Variants in TSHZ2 observed in about 807,000 individuals in gnomAD.
TSHZ2 encodes teashirt homolog 2.
TSHZ2 carries 21 observed loss-of-function variants against 74.4 expected under a neutral mutation model. That is an observed-to-expected ratio of 0.28 (90% CI 0.20 to 0.41). The LOEUF is 0.41. TSHZ2 is among the 10% of genes least tolerant of loss of function. TSHZ2 has a pLI of 1.00. For missense variants in TSHZ2, 1,244 were observed against 1,293.5 expected, an observed-to-expected ratio of 0.96 and a Z score of 0.59; for synonymous variants, 540 against 515.3, an observed-to-expected ratio of 1.05 and a Z score of -0.65.
chr20:53,351,887 T>G (rs2145587260), intron 2 of TSHZ2, among the ~76,000 whole-genome samples: 1 of 152,352 alleles, frequency 6.6e-6, no homozygotes, highest in East Asian at 1.9e-4. Flanking sequence ...TTTGAAAAGT[T>G]TCCTCATACC....
At chr20:53,171,153 A>G (rs1988191855) in intron 1 of TSHZ2, among the ~76,000 whole-genome samples, 1 of 152,232 alleles carries the variant, frequency 6.6e-6, no homozygotes, top group African/African-American at 2.4e-5. Flanking sequence ...CCTCGATCCG[A>G]AAGCCTTAAA....
At chr20:53,103,063 G>A (rs914763051) in intron 1 of TSHZ2, among the ~76,000 whole-genome samples, 3 of 152,130 alleles carry the variant, frequency 2.0e-5, no homozygotes, top group Non-Finnish European at 2.9e-5. Flanking sequence ...ATGAGCGCAC[G>A]TGTACTGGGT....
intron 1 of TSHZ2, among the ~76,000 whole-genome samples, chr20:53,023,035 G>T (rs889503632): frequency 6.6e-6 from 1 of 152,040 alleles, no homozygotes; most frequent in African/African-American, 2.4e-5. Context: ...ACCCAGATCT[G>T]CTCCTGACTC....
chr20:53,101,653 T>C (rs1157999725), intron 1 of TSHZ2, among the ~76,000 whole-genome samples: 2 of 152,258 alleles, frequency 1.3e-5, no homozygotes, highest in African/African-American at 2.4e-5. Context: ...TTTTTTATTA[T>C]ATTCTATTGA....
At chr20:53,056,444 G>A (rs1467428) in intron 1 of TSHZ2, among the ~76,000 whole-genome samples, 92,618 of 152,066 alleles carry the variant, frequency 0.61, 28,570 homozygotes, top group East Asian at 0.83. Flanking sequence ...GCCCAATACC[G>A]TTGTCGTTAT....
intron 2 of TSHZ2, among the ~76,000 whole-genome samples, chr20:53,407,642 A>G (rs887700359): frequency 2.0e-5 from 3 of 152,198 alleles, no homozygotes; most frequent in Admixed American, 2.0e-4. Flanking sequence ...ATGAGAAAGT[A>G]AGGGAATTCT....
chr20:53,295,528 A>G (rs2145468774), intron 2 of TSHZ2, among the ~76,000 whole-genome samples: 1 of 152,312 alleles, frequency 6.6e-6, no homozygotes, highest in South Asian at 2.1e-4. Flanking sequence ...TTGTATTCAC[A>G]TGATATTTGT....
chr20:53,033,589 A>G (rs536515280), intron 1 of TSHZ2, among the ~76,000 whole-genome samples: 2 of 150,866 alleles, frequency 1.3e-5, no homozygotes, highest in African/African-American at 4.9e-5. Flanking sequence ...AAGGTGCTCA[A>G]TAATTGCTGT....
At chr20:53,067,716 G>C (rs905027386) in intron 1 of TSHZ2, among the ~76,000 whole-genome samples, 1 of 152,106 alleles carries the variant, frequency 6.6e-6, no homozygotes, top group African/African-American at 2.4e-5. Flanking sequence ...TGATAGATAC[G>C]GTCACTTTCT....
intron 2 of TSHZ2, among the ~76,000 whole-genome samples, chr20:53,385,972 G>A (rs538185235): frequency 1.3e-5 from 2 of 152,172 alleles, no homozygotes; most frequent in African/African-American, 4.8e-5. Context: ...GAGGGTGTTA[G>A]ACCCATAGTC....
intron 2 of TSHZ2, among the ~76,000 whole-genome samples, chr20:53,485,782 G>C (rs948422976): frequency 3.3e-5 from 5 of 151,968 alleles, no homozygotes; most frequent in African/African-American, 1.2e-4. Context: ...TTTAAGCCTA[G>C]TATGACCATA....
rs1985309207 is a variant in TSHZ2 at position 53,074,572 on chromosome 20, C to A, written c.40+101239C>A. On this transcript the variant is annotated intron_variant, in intron 1 of 2. Transcript: ENST00000371497. This position sits in a 1 kb window ranked among gnomAD's most constrained non-coding sequence, Gnocchi z 5.9. ...AGACTAAACAGCTGGACAAAACTTGCAAAACAATGAAGAAAGGAAAGAAAA... is the reference window on the plus strand; with the variant it reads ...AGACTAAACAGCTGGACAAAACTTGAAAAACAATGAAGAAAGGAAAGAAAA... 1.3e-5 allele frequency among the ~76,000 whole-genome samples: 2 copies of A among 151,964 alleles called. No homozygotes were observed. The highest frequency in any genetic ancestry group is 1.5e-5 in the Non-Finnish European group (1 of 67,978).
At chr20:53,311,680 C>A (rs951517351) in intron 2 of TSHZ2, among the ~76,000 whole-genome samples, 16 of 152,338 alleles carry the variant, frequency 1.1e-4, no homozygotes, top group African/African-American at 3.6e-4. Context: ...TCCAAGATGG[C>A]ATTTTCCTCT....
intron 1 of TSHZ2, among the ~76,000 whole-genome samples, chr20:53,108,819 A>T (rs964946068): frequency 5.3e-5 from 8 of 152,210 alleles, no homozygotes; most frequent in African/African-American, 1.9e-4. Flanking sequence ...TGATTTATTT[A>T]AGAAACAAAA....
chr20:53,241,723 C>A (rs1004263969), intron 1 of TSHZ2, among the ~76,000 whole-genome samples: 19 of 152,050 alleles, frequency 1.2e-4, no homozygotes, highest in African/African-American at 1.7e-4. Flanking sequence ...TTCCAGTTAT[C>A]TCACTTAATT....
chr20:53,083,689 C>A (rs948125224), intron 1 of TSHZ2, among the ~76,000 whole-genome samples: 2 of 152,180 alleles, frequency 1.3e-5, no homozygotes, highest in Non-Finnish European at 2.9e-5. Context: ...TCAGTTTCCT[C>A]ATCTATAAAT....
chr20:53,208,811 G>A (rs1451547911), intron 1 of TSHZ2: 1 of 152,206 alleles, frequency 6.6e-6, no homozygotes, highest in Non-Finnish European at 1.5e-5. Context: ...TACCACAAAG[G>A]TGTGTTTGTT....
At chr20:53,186,964 A>T (rs535203874) in intron 1 of TSHZ2, among the ~76,000 whole-genome samples, 1 of 152,036 alleles carries the variant, frequency 6.6e-6, no homozygotes, top group South Asian at 2.1e-4. Context: ...AATCTCCTTA[A>T]TTACACTTCT....
chr20:53,112,412 G>A (rs1468905452), intron 1 of TSHZ2, among the ~76,000 whole-genome samples: 1 of 152,162 alleles, frequency 6.6e-6, no homozygotes, highest in Non-Finnish European at 1.5e-5. Flanking sequence ...TGACTGGAAG[G>A]ACATATATCT....
Sources: gnomAD v4.1 joint callset for allele counts (sites outside exome capture counted in the v4.1 genomes callset) on GRCh38, gnomAD v4.1.1 for gene constraint, Gnocchi (gnomAD v3.1) non-coding constraint, MANE v1.5 for transcripts, NCBI Gene and HGNC (gene_info 2026-07-23, HGNC 2026-07-21) for gene names.